Variants in METTL9 observed in about 807,000 individuals in gnomAD.
METTL9 encodes protein-L-histidine N-pros-methyltransferase.
In METTL9, 10 loss-of-function variants were observed where a neutral mutation model predicts 36.0. That is an observed-to-expected ratio of 0.28 (90% confidence interval 0.17 to 0.47). The LOEUF is 0.47. Among genes scored for constraint, METTL9 ranks in the 20% least tolerant of loss-of-function variants. The probability of loss-of-function intolerance (pLI) is 0.99; values close to 1 mark genes in which losing one functional copy is unlikely to be tolerated. For missense variants in METTL9, 246 were observed against 383.5 expected (o/e 0.64, Z 3.00); for synonymous variants, 175 against 149.7 (o/e 1.17, Z -1.23).
At position 21,656,819 on chromosome 16, in the gene METTL9, A is replaced by T. The variant is rs1360768884; in HGVS notation, c.*1387A>T. On this transcript the variant is annotated 3_prime_UTR_variant, in exon 5 of 5. Transcript: ENST00000358154. ...TATTCATTAAGAACTGCATTCCCAC[A>T]TCCTCACACCAATATCTTCCACTGT... is the stretch of plus-strand genomic sequence containing the variant. 2 of 152,180 alleles carry T rather than the reference A, an allele frequency of 1.3e-5. No individual in the cohort carries two copies. The highest frequency in any genetic ancestry group is 3.8e-4 in the East Asian group (2 of 5,204). 9.4% of individuals were successfully genotyped at this position (152,180 alleles called of 1,614,324 possible).
chr16:21,608,148 C>CAAAAAAAAAAACA, intron 1 of METTL9, among the ~76,000 whole-genome samples: 1 of 151,128 alleles, frequency 6.6e-6, no homozygotes, highest in East Asian at 2.0e-4. Flanking sequence ...GACTCCGTCT[C>CAAAAAAAAAAACA]AAAAAAAACA....
chr16:21,626,471 A>G (rs1965817420), intron 4 of METTL9, among the ~76,000 whole-genome samples: 1 of 152,088 alleles, frequency 6.6e-6, no homozygotes, highest in South Asian at 2.1e-4. Context: ...GCTTGTCTTA[A>G]TATTTACCAA....
chr16:21,616,065 T>C (rs1209800239), intron 2 of METTL9, among the ~76,000 whole-genome samples: 2 of 152,176 alleles, frequency 1.3e-5, no homozygotes, highest in Non-Finnish European at 2.9e-5. Flanking sequence ...TTACATGAAC[T>C]CCATTATTTG....
chr16:21,620,451 T>C (rs1012640824), intron 3 of METTL9, among the ~76,000 whole-genome samples: 5 of 152,138 alleles, frequency 3.3e-5, no homozygotes, highest in Non-Finnish European at 7.4e-5. Flanking sequence ...CTTAAAAAAA[T>C]CCATGCTTTG....
chr16:21,644,984 G>C (rs1966387690), intron 4 of METTL9, among the ~76,000 whole-genome samples: 1 of 152,200 alleles, frequency 6.6e-6, no homozygotes, highest in African/African-American at 2.4e-5. Flanking sequence ...TCTGGAAATA[G>C]AGTTATTGAA....
chr16:21,603,031 T>C (rs1252186186), intron 1 of METTL9, among the ~76,000 whole-genome samples: 1 of 152,202 alleles, frequency 6.6e-6, no homozygotes, highest in Non-Finnish European at 1.5e-5. Flanking sequence ...CTGGCTACAA[T>C]AGCAGCATAT....
intron 4 of METTL9, chr16:21,640,401 T>G (rs1020440646): frequency 6.6e-6 from 1 of 151,878 alleles, no homozygotes; most frequent in Non-Finnish European, 1.5e-5. Context: ...ATGAATTCCA[T>G]AAATATCCTT....
At chr16:21,609,353 C>T (rs528497080) in intron 1 of METTL9, among the ~76,000 whole-genome samples, 13 of 152,248 alleles carry the variant, frequency 8.5e-5, no homozygotes, top group African/African-American at 2.9e-4. Context: ...CATTCATTTT[C>T]TCTGCCTTTA....
intron 2 of METTL9, among the ~76,000 whole-genome samples, chr16:21,615,405 T>G (rs532595460): frequency 6.6e-6 from 1 of 152,088 alleles, no homozygotes; most frequent in Non-Finnish European, 1.5e-5. Context: ...AATTTTTGTA[T>G]TTTTTATAGA....
rs190500475 is a variant in METTL9 at position 21,612,553 on chromosome 16, A to T, written c.166-92A>T. 8.2e-6 allele frequency: 10 copies of T among 1,215,152 alleles called. No individual in the cohort carries two copies. The Admixed American group carries it at 2.6e-4, about 31-fold the overall frequency. The allele number at this position is 1,215,152 out of a possible 1,614,324, so 75.3% of individuals were successfully genotyped here. On this transcript the variant is annotated intron_variant, in intron 1 of 4. Coordinates refer to ENST00000358154, the MANE Select transcript of METTL9 (RefSeq NM_016025.5). Reference sequence around the variant, plus strand: ...GTAATATTTGGAAATCTTAGATGTGATTTAGTCTTCTGGTTTTTTGTTTTT... The same window carrying T: ...GTAATATTTGGAAATCTTAGATGTGTTTTAGTCTTCTGGTTTTTTGTTTTT...
Position 21,599,803 on chromosome 16 carries a change from C to G in METTL9, c.70C>G (p.Leu24Val). 1 of 1,548,966 alleles carries G rather than the reference C, an allele frequency of 6.5e-7. No individual in the cohort carries two copies. ...GTGGCTGGCGCGGAGGATGTGGACG[C>G]TGCGGAGCCCGCTCACCCGCTCCCT... is the stretch of plus-strand genomic sequence containing the variant. ...SVWLARRMWTLRSPLTRSLYV... is the reference protein window; with the variant it reads ...SVWLARRMWTVRSPLTRSLYV... The change falls in exon 1 of 5, where the codon CTG becomes GTG. Residue 24 changes from leucine (L) to valine (V), a missense_variant. By Grantham distance (32) the Leu-to-Val change is conservative (BLOSUM62 1). Transcript: ENST00000358154. This position sits in a 1 kb window ranked among gnomAD's most constrained non-coding sequence, Gnocchi z 4.4.
intron 3 of METTL9, among the ~76,000 whole-genome samples, chr16:21,621,149 A>AGTGTGT (rs112846012): frequency 1.9e-4 from 28 of 144,710 alleles, no homozygotes; most frequent in African/African-American, 4.8e-4. Context: ...TGAGAGAGAG[A>AGTGTGT]GTGTGTGTGT....
intron 1 of METTL9, among the ~76,000 whole-genome samples, chr16:21,611,315 T>C (rs900300935): frequency 3.0e-4 from 46 of 152,250 alleles, no homozygotes; most frequent in African/African-American, 1.1e-3. Context: ...ATCAGGAATG[T>C]TACTTAAGAT....
At chr16:21,637,210 G>A (rs529860724) in intron 4 of METTL9, among the ~76,000 whole-genome samples, 1 of 152,248 alleles carries the variant, frequency 6.6e-6, no homozygotes, top group Non-Finnish European at 1.5e-5. Flanking sequence ...ATTTTACAGA[G>A]AGCTGATTGG....
intron 1 of METTL9, among the ~76,000 whole-genome samples, 155 bp from the exon 2 acceptor site, chr16:21,612,490 A>G (rs551830421): frequency 2.6e-5 from 4 of 152,284 alleles, no homozygotes; most frequent in African/African-American, 9.6e-5. Flanking sequence ...AGGTTATATG[A>G]GTATACGAAA....
intron 1 of METTL9, among the ~76,000 whole-genome samples, chr16:21,606,967 G>A (rs1965306156): frequency 6.6e-6 from 1 of 152,088 alleles, no homozygotes; most frequent in Non-Finnish European, 1.5e-5. Flanking sequence ...ACCATATTTG[G>A]TCTGATTAGC....
intron 1 of METTL9, among the ~76,000 whole-genome samples, chr16:21,605,902 A>G (rs1165535789): frequency 6.6e-6 from 1 of 152,154 alleles, no homozygotes; most frequent in African/African-American, 2.4e-5. Context: ...GACTGCCCTC[A>G]CTTCAGAGGC....
chr16:21,626,905 C>T (rs796640762), intron 4 of METTL9: 9 of 961,906 alleles, frequency 9.4e-6, no homozygotes, highest in African/African-American at 7.0e-5. Flanking sequence ...AATCTAACCA[C>T]GAATTTTATT....
intron 4 of METTL9, among the ~76,000 whole-genome samples, chr16:21,633,114 C>G (rs1355700041): frequency 6.6e-6 from 1 of 152,034 alleles, no homozygotes; most frequent in Admixed American, 6.6e-5. Flanking sequence ...CCAAGGAACC[C>G]CCGCAACTGT....
Sources: allele counts gnomAD v4.1 joint callset (sites outside exome capture counted in the v4.1 genomes callset), GRCh38; gene constraint gnomAD v4.1.1; non-coding constraint Gnocchi (gnomAD v3.1); transcripts MANE v1.5; gene names NCBI Gene and HGNC (gene_info 2026-07-23, HGNC 2026-07-21).